SUSD1: variants seen among roughly 807,000 people sequenced by gnomAD.
SUSD1 encodes the protein sushi domain containing 1.
Under a neutral mutation model 86.9 loss-of-function variants are expected in SUSD1, and 65 were observed. The observed-to-expected ratio is 0.75, with a 90% CI of 0.61 to 0.92. SUSD1 has a LOEUF of 0.92. SUSD1 is among the 40% of genes least tolerant of loss of function. The pLI, the probability that SUSD1 is intolerant of heterozygous loss-of-function variation, is 0.00. For missense variants in SUSD1, 850 were observed against 929.7 expected (o/e 0.91, Z 1.11); for synonymous variants, 346 against 350.0 (o/e 0.99, Z 0.13).
chr9:112,083,286 G>A (rs755471420), intron 10 of SUSD1, among the ~76,000 whole-genome samples: 16 of 151,862 alleles, frequency 1.1e-4, no homozygotes, highest in Non-Finnish European at 2.1e-4. Context: ...GGAGTGCAGT[G>A]GCACAATCTC....
At chr9:112,172,079 C>A (rs1475080034) in intron 1 of SUSD1, among the ~76,000 whole-genome samples, 2 of 151,916 alleles carry the variant, frequency 1.3e-5, no homozygotes, top group African/African-American at 4.8e-5. Context: ...ATCTGTAATC[C>A]CAGCTACTCG....
At chr9:112,097,136 G>A (rs948696484) in intron 10 of SUSD1, among the ~76,000 whole-genome samples, 8 of 151,914 alleles carry the variant, frequency 5.3e-5, no homozygotes, top group African/African-American at 1.9e-4. Context: ...GAACAGCCTG[G>A]CCAACATGGT....
chr9:112,107,937 T>A (rs765897259), intron 8 of SUSD1, among the ~76,000 whole-genome samples: 2 of 152,216 alleles, frequency 1.3e-5, no homozygotes, highest in Non-Finnish European at 2.9e-5. Context: ...CTTATTCCCC[T>A]TACAGGCAAA....
chr9:112,124,158 C>T (rs1831665398), intron 6 of SUSD1, 99 bp downstream of exon 6: 2 of 1,200,192 alleles, frequency 1.7e-6, no homozygotes, highest in Non-Finnish European at 2.3e-6. Context: ...GAGCTGGGTA[C>T]AGTATGTAGA....
chr9:112,142,576 C>T, intron 4 of SUSD1, 77 bp from the exon 5 acceptor site: 1 of 1,398,540 alleles, frequency 7.2e-7, no homozygotes, highest in Non-Finnish European at 9.8e-7. Flanking sequence ...TCCACCTCTA[C>T]CCTATTCCTC....
At chr9:112,095,705 C>T (rs185049846) in intron 10 of SUSD1, among the ~76,000 whole-genome samples, 1 of 152,274 alleles carries the variant, frequency 6.6e-6, no homozygotes, top group East Asian at 1.9e-4. Context: ...AGAACTAAAA[C>T]AATTTGGGGG....
In SUSD1 at chr9:112,151,585, A is replaced by T. The variant is rs142271480; in HGVS notation, c.218-2186T>A. On this transcript the variant is annotated intron_variant, in intron 2 of 16. Transcript: ENST00000374270. The stretch of plus-strand genomic sequence containing the variant: ...GCACTCCAGCTGGGCAACAAGAGTG[A>T]AATTCCATCTCAAAAAAAAAAAAGT... Among the ~76,000 whole-genome samples, 108 of 151,322 alleles carry T rather than the reference A, an allele frequency of 7.1e-4. 1 individual carries two copies. In the East Asian group the frequency reaches 0.02, roughly 28 times the overall value.
rs1427413545 is a variant in SUSD1, at chr9:112,113,355, G to A, written c.887-487C>T. Among the ~76,000 whole-genome samples, 1 of 152,156 alleles carries A rather than the reference G, an allele frequency of 6.6e-6. No homozygotes were observed. Among genetic ancestry groups the A allele is most frequent in the Non-Finnish European group, 1.5e-5 (1 of 68,022 alleles). On this transcript the variant is annotated intron_variant, in intron 6 of 16. Transcript: ENST00000374270. The surrounding 1 kb of genome is among the most constrained non-coding windows in gnomAD (Gnocchi z 4.1). Reference sequence around the variant, plus strand: ...AGGACCATGCCTCAGAAACAGGTTGGGGCAAACTAAAGAAATTCTCCACAA... The same window carrying A: ...AGGACCATGCCTCAGAAACAGGTTGAGGCAAACTAAAGAAATTCTCCACAA...
In SUSD1 at chr9:112,132,589, T is replaced by C. The variant is rs891835357; in HGVS notation, c.707-8153A>G. 3.9e-5 allele frequency among the ~76,000 whole-genome samples: 6 copies of C among 152,216 alleles called. 1 individual carries two copies. In the South Asian group the frequency reaches 1.2e-3, roughly 32 times the overall value. The stretch of plus-strand genomic sequence containing the variant: ...GGCCTAAACAGTCCAGGCAGATTAA[T>C]ACCAGAGTCTGCACAATGCTTACGT... On this transcript the variant is annotated intron_variant, in intron 5 of 16. Coordinates refer to ENST00000374270, the MANE Select transcript of SUSD1 (RefSeq NM_022486.5).
intron 8 of SUSD1, among the ~76,000 whole-genome samples, chr9:112,108,349 C>T (rs1328273005): frequency 3.3e-5 from 5 of 152,000 alleles, no homozygotes; most frequent in Non-Finnish European, 4.4e-5. Context: ...CAAACAGAAA[C>T]GAATGAAAAT....
At chr9:112,150,782 G>A (rs975869985) in intron 2 of SUSD1, among the ~76,000 whole-genome samples, 1 of 152,010 alleles carries the variant, frequency 6.6e-6, no homozygotes, top group Non-Finnish European at 1.5e-5. Flanking sequence ...ACATAGAAGT[G>A]GTACAGTAAA....
intron 12 of SUSD1, among the ~76,000 whole-genome samples, chr9:112,068,161 G>A (rs550121556): frequency 2.0e-5 from 3 of 152,278 alleles, no homozygotes; most frequent in Admixed American, 6.5e-5. Flanking sequence ...GCCCAGAGCT[G>A]TGATGGAGTT....
At chr9:112,147,038 AAC>A (rs1402838546) in intron 3 of SUSD1, among the ~76,000 whole-genome samples, 1 of 152,212 alleles carries the variant, frequency 6.6e-6, no homozygotes, top group Non-Finnish European at 1.5e-5. Context: ...CAGCCTAGAA[AAC>A]ACAATTTCAG....
At chr9:112,151,269 A>C (rs1480932167) in intron 2 of SUSD1, among the ~76,000 whole-genome samples, 1 of 152,146 alleles carries the variant, frequency 6.6e-6, no homozygotes, top group African/African-American at 2.4e-5. Flanking sequence ...AACTTTCTAA[A>C]CACTGTACAC....
intron 1 of SUSD1, among the ~76,000 whole-genome samples, chr9:112,163,462 C>T (rs951395480): frequency 6.6e-6 from 1 of 150,510 alleles, no homozygotes; most frequent in Admixed American, 6.6e-5. Flanking sequence ...AAGACCTCAT[C>T]GCTACCAAAA....
intron 5 of SUSD1, among the ~76,000 whole-genome samples, chr9:112,127,747 T>C (rs1440708476): frequency 6.6e-6 from 1 of 152,078 alleles, no homozygotes; most frequent in African/African-American, 2.4e-5. Context: ...TTGTGGCAAA[T>C]GTTATATAGA....
chr9:112,072,072 T>C (rs1289380343), intron 12 of SUSD1, among the ~76,000 whole-genome samples: 1 of 152,098 alleles, frequency 6.6e-6, no homozygotes, highest in Non-Finnish European at 1.5e-5. Flanking sequence ...AAATATTTGC[T>C]AGTGACTTCT....
chr9:112,112,927 T>C, intron 6 of SUSD1, 59 bp from the exon 7 acceptor site: 1 of 1,022,406 alleles, frequency 9.8e-7, no homozygotes, highest in Non-Finnish European at 1.5e-6. Flanking sequence ...AGCAAAATTC[T>C]AAAGGAGATC....
At chr9:112,109,830 T>C (rs1426470297) in intron 8 of SUSD1, among the ~76,000 whole-genome samples, 2 of 152,252 alleles carry the variant, frequency 1.3e-5, no homozygotes, top group Non-Finnish European at 2.9e-5. Context: ...TTTTATAATA[T>C]CTTTGCCTGC....
Sources: gnomAD v4.1 joint callset for allele counts (sites outside exome capture counted in the v4.1 genomes callset) on GRCh38, gnomAD v4.1.1 for gene constraint, Gnocchi (gnomAD v3.1) non-coding constraint, MANE v1.5 for transcripts, NCBI Gene and HGNC (gene_info 2026-07-23, HGNC 2026-07-21) for gene names.